The following CACNA1C variants were observed in gnomAD, a reference collection of about 807,000 sequenced individuals.
The protein encoded by CACNA1C is calcium voltage-gated channel subunit alpha1 C.
Under a neutral mutation model 229.0 loss-of-function variants are expected in CACNA1C, and 30 were observed. That is an observed-to-expected ratio of 0.13 (90% CI 0.10 to 0.18). The LOEUF is 0.18. Among genes scored for constraint, CACNA1C ranks in the 10% least tolerant of loss-of-function variants. CACNA1C has a pLI of 1.00. For missense variants in CACNA1C, 1,658 were observed against 2,845.0 expected, an observed-to-expected ratio of 0.58 and a Z score of 9.49; for synonymous variants, 1,114 against 1,132.5, an observed-to-expected ratio of 0.98 and a Z score of 0.33.
intron 3 of CACNA1C, among the ~76,000 whole-genome samples, chr12:2,169,202 A>G (rs533567616): frequency 6.6e-6 from 1 of 152,296 alleles, no homozygotes; most frequent in African/African-American, 2.4e-5. Context: ...AGGCAGCAAT[A>G]TAATTTTTGT....
At chr12:2,573,839 C>T (rs2057337361) in intron 13 of CACNA1C, among the ~76,000 whole-genome samples, 1 of 152,238 alleles carries the variant, frequency 6.6e-6, no homozygotes, top group African/African-American at 2.4e-5. Flanking sequence ...CAAAATGCTT[C>T]TATGAATGGG....
chr12:2,549,201 C>T (rs2099890708), intron 9 of CACNA1C, among the ~76,000 whole-genome samples: 1 of 152,214 alleles, frequency 6.6e-6, no homozygotes, highest in African/African-American at 2.4e-5. Flanking sequence ...ATATCCAAGT[C>T]AGCCTGTTGA....
chr12:2,318,824 G>A (rs1418684425), intron 3 of CACNA1C, among the ~76,000 whole-genome samples: 2 of 151,776 alleles, frequency 1.3e-5, no homozygotes, highest in South Asian at 2.1e-4. Flanking sequence ...CAGGGAGTGC[G>A]GGGCTAGAGG....
chr12:2,464,065 GAGA>G (rs1451126664), intron 5 of CACNA1C, among the ~76,000 whole-genome samples: 2 of 152,086 alleles, frequency 1.3e-5, no homozygotes, highest in Non-Finnish European at 2.9e-5. Flanking sequence ...ATGCCTTCTG[GAGA>G]AGAACTTTCA....
chr12:2,148,610 T>G (rs2094942304), intron 3 of CACNA1C, among the ~76,000 whole-genome samples: 1 of 151,278 alleles, frequency 6.6e-6, no homozygotes, highest in Non-Finnish European at 1.5e-5. Flanking sequence ...GGCAGTGGCA[T>G]GATCTCGGCT....
intron 10 of CACNA1C, among the ~76,000 whole-genome samples, chr12:2,554,868 G>T (rs2043209631): frequency 6.6e-6 from 1 of 152,218 alleles, no homozygotes; most frequent in African/African-American, 2.4e-5. Context: ...AGTGGAGCCT[G>T]CCTGACATGG....
At chr12:2,618,116 G>A (rs1568838709) in intron 29 of CACNA1C, among the ~76,000 whole-genome samples, 1 of 152,296 alleles carries the variant, frequency 6.6e-6, no homozygotes, top group Non-Finnish European at 1.5e-5. Context: ...TTTAGGTGTT[G>A]GAGTCTGTGG....
At chr12:2,242,809 G>A (rs1348189890) in intron 3 of CACNA1C, among the ~76,000 whole-genome samples, 2 of 152,200 alleles carry the variant, frequency 1.3e-5, no homozygotes, top group Non-Finnish European at 2.9e-5. Flanking sequence ...ATCTACCATG[G>A]TACAGCTGTG....
At chr12:2,530,330 A>G (rs1413324850) in intron 9 of CACNA1C, among the ~76,000 whole-genome samples, 5 of 152,228 alleles carry the variant, frequency 3.3e-5, no homozygotes, top group Admixed American at 6.5e-5. Context: ...GACTAACCCA[A>G]TTGTTGCATA....
At position 2,648,510 on chromosome 12, in the gene CACNA1C, A is replaced by G; in HGVS notation, c.3945+3A>G. ...ATACCCAATGCTCTCCCTCTATGGTAAGACCAACCCTCCCGACCATGCTCC... is the reference window on the plus strand; with the variant it reads ...ATACCCAATGCTCTCCCTCTATGGTGAGACCAACCCTCCCGACCATGCTCC... On this transcript the variant is annotated splice_donor_region_variant and intron_variant, in intron 31 of 46. Transcript: ENST00000399655. 1 of 1,613,688 alleles carries G rather than the reference A, an allele frequency of 6.2e-7. No individual in the cohort carries two copies. The highest frequency in any genetic ancestry group is 1.1e-5 in the South Asian group (1 of 91,082).
At chr12:2,113,163 G>C (rs969836723) in intron 1 of CACNA1C, among the ~76,000 whole-genome samples, 1 of 152,188 alleles carries the variant, frequency 6.6e-6, no homozygotes. Context: ...GTGTGGCTCA[G>C]GTAAGGGCTA....
At chr12:2,121,417 G>A (rs2086662738) in intron 3 of CACNA1C, among the ~76,000 whole-genome samples, 1 of 152,126 alleles carries the variant, frequency 6.6e-6, no homozygotes, top group Non-Finnish European at 1.5e-5. Flanking sequence ...ACATTTTCTT[G>A]GGCCCTTTCA....
chr12:2,605,000 C>A, intron 22 of CACNA1C, 81 bp from the exon 23 acceptor site: 3 of 1,047,602 alleles, frequency 2.9e-6, no homozygotes, highest in Non-Finnish European at 4.5e-6. Context: ...ATTCACCTGT[C>A]AGGACATTCC....
intron 9 of CACNA1C, among the ~76,000 whole-genome samples, chr12:2,518,335 G>A (rs548749718): frequency 9.2e-5 from 14 of 152,314 alleles, no homozygotes; most frequent in African/African-American, 3.4e-4. Flanking sequence ...AGGGCCGGGC[G>A]TGGTGGCTCA....
At chr12:1,982,528 C>T (rs909474632) in intron 1 of CACNA1C, among the ~76,000 whole-genome samples, 4 of 107,246 alleles carry the variant, frequency 3.7e-5, no homozygotes, top group African/African-American at 1.2e-4. Context: ...GGTTCATTCA[C>T]GTTGTACTAT....
chr12:2,406,636 GCT>G, intron 3 of CACNA1C, among the ~76,000 whole-genome samples: 1 of 151,884 alleles, frequency 6.6e-6, no homozygotes, highest in East Asian at 1.9e-4. Flanking sequence ...TTTTACTGAG[GCT>G]CTGTTTCTTT....
chr12:2,655,796 A>G (rs2095389056), intron 34 of CACNA1C, among the ~76,000 whole-genome samples: 1 of 152,238 alleles, frequency 6.6e-6, no homozygotes, highest in African/African-American at 2.4e-5. Context: ...ACATATGCAC[A>G]TCAATAAATG....
intron 3 of CACNA1C, among the ~76,000 whole-genome samples, chr12:2,124,345 C>T (rs2088911730): frequency 6.6e-6 from 1 of 152,074 alleles, no homozygotes; most frequent in African/African-American, 2.4e-5. Flanking sequence ...TGCATTGCGT[C>T]TCTCAAGAAG....
At chr12:1,987,097 C>CT (rs2038020515) in intron 1 of CACNA1C, among the ~76,000 whole-genome samples, 1 of 151,990 alleles carries the variant, frequency 6.6e-6, no homozygotes, top group Non-Finnish European at 1.5e-5. Flanking sequence ...ACCACGCATG[C>CT]TTAAAAAAAA....
Sources: gnomAD v4.1 joint callset for allele counts (sites outside exome capture counted in the v4.1 genomes callset) on GRCh38, gnomAD v4.1.1 for gene constraint, MANE v1.5 for transcripts, NCBI Gene and HGNC (gene_info 2026-07-23, HGNC 2026-07-21) for gene names.